The following OSTF1 variants were observed in gnomAD, a reference collection of about 807,000 sequenced individuals.
OSTF1 encodes osteoclast stimulating factor 1, also known as osteoclast-stimulating factor 1.
In OSTF1, 27 loss-of-function variants were observed where a neutral mutation model predicts 37.2. The ratio of observed to expected loss-of-function variants is 0.73; its 90% CI spans 0.54 to 1.00. OSTF1 has a LOEUF of 1.00. OSTF1 is among the 50% of genes least tolerant of loss of function. The pLI, the probability that OSTF1 is intolerant of heterozygous loss-of-function variation, is 0.00. For missense variants in OSTF1, 232 were observed against 253.8 expected, an observed-to-expected ratio of 0.91 and a Z score of 0.58; for synonymous variants, 82 against 89.2, an observed-to-expected ratio of 0.92 and a Z score of 0.46.
chr9:75,099,022 C>T (rs973535559), intron 1 of OSTF1, among the ~76,000 whole-genome samples: 6 of 152,020 alleles, frequency 3.9e-5, no homozygotes, highest in African/African-American at 1.2e-4. Flanking sequence ...CTGCAACCTC[C>T]GCCTCCTGGG....
chr9:75,142,965 A>G (rs1554774776), intron 9 of OSTF1, among the ~76,000 whole-genome samples: 1 of 149,126 alleles, frequency 6.7e-6, no homozygotes, highest in African/African-American at 2.5e-5. Flanking sequence ...TTTGAGACAG[A>G]GTCTCACTCT....
At chr9:75,095,769 A>G (rs188587627) in intron 1 of OSTF1, among the ~76,000 whole-genome samples, 143 of 152,318 alleles carry the variant, frequency 9.4e-4, no homozygotes, top group Non-Finnish European at 6.3e-4. Flanking sequence ...AGCCCTCTTC[A>G]CAGATTGCTT....
chr9:75,088,613 G>T lies in OSTF1; in HGVS notation c.-80G>T. ...GTTGTAAGCCAGACAAAAAGAACTG[G>T]GGTGCCCGGAGTGCCAGGTGGCGGG... On this transcript the variant is annotated 5_prime_UTR_variant, in exon 1 of 10. Transcript: ENST00000346234. The T allele has an allele frequency of 6.9e-7, 1 of 1,446,590 alleles. No individual in the cohort carries two copies. The highest frequency in any genetic ancestry group is 2.4e-5 in the East Asian group (1 of 41,012). 89.6% of individuals were successfully genotyped at this position (1,446,590 alleles called of 1,614,324 possible). A position where few individuals can be genotyped will look rare whatever the true frequency, so the allele number is the denominator to read the frequency against.
At chr9:75,100,600 G>A (rs1167179995) in intron 1 of OSTF1, among the ~76,000 whole-genome samples, 2 of 151,884 alleles carry the variant, frequency 1.3e-5, no homozygotes, top group African/African-American at 2.4e-5. Flanking sequence ...CCGTGGTGGC[G>A]CATGTCTGTA....
chr9:75,112,566 A>T (rs1825410217), intron 1 of OSTF1, among the ~76,000 whole-genome samples: 1 of 152,242 alleles, frequency 6.6e-6, no homozygotes, highest in Admixed American at 6.5e-5. Flanking sequence ...TTTGCATAAT[A>T]GCCTAAGGAG....
At chr9:75,119,581 CCTTG>C (rs1355558039) in intron 2 of OSTF1, among the ~76,000 whole-genome samples, 1 of 152,154 alleles carries the variant, frequency 6.6e-6, no homozygotes, top group African/African-American at 2.4e-5. Context: ...TCTTCTGAGG[CCTTG>C]CTTCTTGGCT....
intron 2 of OSTF1, among the ~76,000 whole-genome samples, chr9:75,124,263 G>A (rs1411278780): frequency 1.3e-5 from 2 of 152,078 alleles, no homozygotes; most frequent in Non-Finnish European, 2.9e-5. Flanking sequence ...AGCGTTTATC[G>A]TTTGTGTTAC....
chr9:75,133,211 A>G (rs1034812396), intron 5 of OSTF1, 83 bp from the exon 6 acceptor site: 37 of 808,384 alleles, frequency 4.6e-5, no homozygotes, highest in Non-Finnish European at 7.1e-5. Context: ...ATGGAAATTT[A>G]TGCAGAATGA....
At chr9:75,146,580 A>G (rs1045872900) in intron 9 of OSTF1, 103 bp from the exon 10 acceptor site, 49 of 782,262 alleles carry the variant, frequency 6.3e-5, no homozygotes, top group Non-Finnish European at 9.9e-5. Context: ...CCTGGGTCAG[A>G]TGGAAGATTC....
At chr9:75,089,362 C>T (rs888991882) in intron 1 of OSTF1, among the ~76,000 whole-genome samples, 7 of 151,808 alleles carry the variant, frequency 4.6e-5, no homozygotes, top group Admixed American at 2.0e-4. Flanking sequence ...ATCTCCTTTG[C>T]CTTTGCTCTC....
intron 1 of OSTF1, among the ~76,000 whole-genome samples, chr9:75,116,020 C>G (rs757095249): frequency 7.2e-5 from 11 of 152,222 alleles, no homozygotes; most frequent in Non-Finnish European, 1.6e-4. Flanking sequence ...AGGAGAATCT[C>G]TTGAACCTGG....
chr9:75,098,153 A>G (rs1348105347), intron 1 of OSTF1, among the ~76,000 whole-genome samples: 1 of 152,200 alleles, frequency 6.6e-6, no homozygotes, highest in Non-Finnish European at 1.5e-5. Flanking sequence ...CACATTTCTG[A>G]CTAATTTCAT....
At chr9:75,095,840 G>T (rs1000887377) in intron 1 of OSTF1, among the ~76,000 whole-genome samples, 1 of 151,754 alleles carries the variant, frequency 6.6e-6, no homozygotes, top group Admixed American at 6.6e-5. Context: ...GAGTTGAAGA[G>T]ATTTAGCAAC....
chr9:75,136,565 T>G (rs957023215), intron 7 of OSTF1, among the ~76,000 whole-genome samples: 1 of 152,170 alleles, frequency 6.6e-6, no homozygotes, highest in African/African-American at 2.4e-5. Context: ...CTTATTTTTG[T>G]GTTTTTAGTA....
intron 2 of OSTF1, among the ~76,000 whole-genome samples, chr9:75,118,106 A>G (rs923571076): frequency 6.6e-6 from 1 of 152,210 alleles, no homozygotes; most frequent in African/African-American, 2.4e-5. Flanking sequence ...CATCCAGTGG[A>G]GAGAGACAGA....
intron 2 of OSTF1, among the ~76,000 whole-genome samples, chr9:75,125,146 A>G (rs1196347801): frequency 1.3e-5 from 2 of 152,174 alleles, no homozygotes; most frequent in Non-Finnish European, 2.9e-5. Flanking sequence ...CCTTAGCACC[A>G]TCTAAAGGTG....
intron 2 of OSTF1, among the ~76,000 whole-genome samples, chr9:75,125,069 A>G (rs944079479): frequency 6.6e-6 from 1 of 152,318 alleles, no homozygotes; most frequent in Admixed American, 6.5e-5. Context: ...TCCTCCAGAA[A>G]AATGTTGCAG....
intron 1 of OSTF1, among the ~76,000 whole-genome samples, chr9:75,092,342 T>C (rs1194270197): frequency 1.3e-5 from 2 of 152,202 alleles, no homozygotes; most frequent in Non-Finnish European, 2.9e-5. Context: ...TATCCAGAAT[T>C]CATTTGCTAA....
rs150303795 is a variant in OSTF1 at position 75,137,612 on chromosome 9, A to C, written c.483A>C (p.Ala161=). ...CAGATATCGTCCAGTTGCTTCTGGC[A>C]AAAGGTAAAGTTTGTGCTGAGTTTA... The part of the protein sequence containing the change: ...GYADIVQLLL[A]KGARTDLRNI... Residue 161 remains alanine (A), a synonymous_variant, in exon 8 of 10, where the codon GCA becomes GCC. Transcript: ENST00000346234. 1 of 1,607,566 alleles carries C rather than the reference A, an allele frequency of 6.2e-7. No individual in the cohort carries two copies. The highest frequency in any genetic ancestry group is 1.3e-5 in the African/African-American group (1 of 74,790).
Sources: gnomAD v4.1 joint callset for allele counts (sites outside exome capture counted in the v4.1 genomes callset) on GRCh38, gnomAD v4.1.1 for gene constraint, MANE v1.5 for transcripts, NCBI Gene and HGNC (gene_info 2026-07-23, HGNC 2026-07-21) for gene names.